The following CDH16 variants were observed in gnomAD, a reference collection of about 807,000 sequenced individuals.
The protein encoded by CDH16 is cadherin 16.
Under a neutral mutation model 87.6 loss-of-function variants are expected in CDH16, and 79 were observed. The observed-to-expected ratio is 0.90, with a 90% CI of 0.75 to 1.09. The LOEUF is 1.09. Ranked by LOEUF, CDH16 falls within the 50% of genes least tolerant of loss-of-function variation. The probability of loss-of-function intolerance (pLI) is 0.00; values close to 1 mark genes in which losing one functional copy is unlikely to be tolerated. For synonymous variants in CDH16, 457 were observed against 439.5 expected, an observed-to-expected ratio of 1.04 and a Z score of -0.50; for missense variants, 1,124 against 1,071.7, an observed-to-expected ratio of 1.05 and a Z score of -0.68.
At position 66,916,240 on chromosome 16, in the gene CDH16, T is replaced by C; in HGVS notation, c.285+34A>G. 3.7e-6 allele frequency: 6 copies of C among 1,614,170 alleles called. No homozygotes were observed. Among genetic ancestry groups the C allele is most frequent in the Non-Finnish European group, 3.4e-6 (4 of 1,179,982 alleles). On this transcript the variant is annotated intron_variant, in intron 4 of 17. Transcript: ENST00000299752. This position sits in a 1 kb window ranked among gnomAD's most constrained non-coding sequence, Gnocchi z 4.1. Reference sequence around the variant, plus strand: ...GGGGAGTCAGCGTCTGGCTCTGCCTTGCCTGCTCTCCCCTACACCTGGCCC... The same window carrying C: ...GGGGAGTCAGCGTCTGGCTCTGCCTCGCCTGCTCTCCCCTACACCTGGCCC...
At chr16:66,913,382 G>T (rs1248521448) in intron 8 of CDH16, 101 bp from the exon 9 acceptor site, 9 of 1,566,616 alleles carry the variant, frequency 5.7e-6, no homozygotes, top group Non-Finnish European at 7.8e-6. Context: ...GCTCTTCGGG[G>T]CTCTTTCCCA....
chr16:66,917,608 TC>T (rs780904696), intron 3 of CDH16, 33 bp downstream of exon 3: 36 of 1,500,146 alleles, frequency 2.4e-5, no homozygotes, highest in Middle Eastern at 1.7e-4. Flanking sequence ...CGGGGAGGGA[TC>T]CCCCCGGCCC....
Position 66,912,489 on chromosome 16 carries a change from C to G in CDH16, c.1359+15G>C, listed in dbSNP as rs1169667571. 6.2e-7 allele frequency: 1 copy of G among 1,614,170 alleles called. No homozygotes were observed. The highest frequency in any genetic ancestry group is 1.7e-5 in the Admixed American group (1 of 60,022). On this transcript the variant is annotated intron_variant, in intron 11 of 17. Transcript: ENST00000299752. The stretch of plus-strand genomic sequence containing the variant: ...CAGCATCCTTCCCAAGGCCTTCTCC[C>G]CTGCGTCTGCTTACCTGGGAAGTGA...
chr16:66,913,421 A>AC, intron 8 of CDH16, 70 bp downstream of exon 8: 2 of 1,603,918 alleles, frequency 1.2e-6, no homozygotes, highest in Non-Finnish European at 1.7e-6. Context: ...TAGTTGTGAC[A>AC]CCCCCAAAAG....
At chr16:66,918,607 G>T (rs1269454782) in intron 1 of CDH16, among the ~76,000 whole-genome samples, 197 bp downstream of exon 1, 4 of 152,214 alleles carry the variant, frequency 2.6e-5, no homozygotes. Context: ...CCCGGAGCAG[G>T]AGCCCGGCCC....
Position 66,916,803 on chromosome 16 carries a change from G to A in CDH16, c.130-374C>T, listed in dbSNP as rs963467496. Among the ~76,000 whole-genome samples the A allele has an allele frequency of 3.9e-5, 6 of 152,186 alleles. No individual in the cohort carries two copies. Among genetic ancestry groups the A allele is most frequent in the African/African-American group, 1.2e-4 (5 of 41,434 alleles). ...ACTCAAAATCTGAAACTTTTTGAGC[G>A]CCAATATGATGTGACAAGTACAGAA... On this transcript the variant is annotated intron_variant, in intron 3 of 17. Transcript: ENST00000299752. The surrounding 1 kb of genome is among the most constrained non-coding windows in gnomAD (Gnocchi z 4.1).
rs775588031 is a variant in CDH16 at position 66,914,236 on chromosome 16, A to G, written c.760T>C (p.Tyr254His). 16 of 1,614,014 alleles carry G rather than the reference A, an allele frequency of 9.9e-6. No homozygotes were observed. The highest frequency in any genetic ancestry group is 2.2e-5 in the East Asian group (1 of 44,898). The change falls in exon 7 of 18, where the codon TAC (tyrosine) becomes CAC (histidine). Residue 254 changes from tyrosine (Y) to histidine (H), a missense_variant. By Grantham distance (83) the Tyr-to-His change is moderately conservative. Transcript: ENST00000299752. ...IHLAENLKVL[Y>H]PHHMAQVHWS... is the part of the protein sequence containing the mutation. ...CTCACCTGGGCCATGTGGTGCGGGT[A>G]TAGGACTTTGAGATTCTCTGCCAGG... is the stretch of plus-strand genomic sequence containing the variant.
Position 66,912,855 on chromosome 16 carries a change from T to G in CDH16, c.1091A>C (p.Asp364Ala). The change falls in exon 10 of 18, where the codon GAT (aspartate) becomes GCT (alanine). Residue 364 changes from aspartate to alanine, a missense_variant. Coordinates refer to ENST00000299752, the MANE Select transcript of CDH16 (RefSeq NM_004062.4). ...EVTRLSAEDA[D>A]APGSPNSHVV... Reference sequence around the variant, plus strand: ...GTGGGAATTGGGGGAGCCGGGGGCATCTGCATCCTCTGCTGACAGTCTAGT... The same window carrying G: ...GTGGGAATTGGGGGAGCCGGGGGCAGCTGCATCCTCTGCTGACAGTCTAGT... 1 of 1,612,926 alleles carries G rather than the reference T, an allele frequency of 6.2e-7. No homozygotes were observed. Among genetic ancestry groups the G allele is most frequent in the Non-Finnish European group, 8.5e-7 (1 of 1,179,990 alleles).
Position 66,911,268 on chromosome 16 carries a change from A to G in CDH16, c.1838T>C (p.Phe613Ser). ...CTGGGCGGTGTGCACCTCCCCGGAG[A>G]ATTTCTCAATGCAGAGCCAGCCCTC... ...DSEGWLCIEK[F>S]SGEVHTAQSL... The change falls in exon 14 of 18, where the codon TTC becomes TCC. Residue 613 changes from phenylalanine (F) to serine (S), a missense_variant. By Grantham distance (155) the Phe-to-Ser change is radical (BLOSUM62 -2). Transcript: ENST00000299752. 1 of 1,613,460 alleles carries G rather than the reference A, an allele frequency of 6.2e-7. No homozygotes were observed. Among genetic ancestry groups the G allele is most frequent in the Non-Finnish European group, 8.5e-7 (1 of 1,179,796 alleles).
chr16:66,912,353 G>A lies in CDH16; in HGVS notation c.1437C>T (p.Leu479=), dbSNP rs369804638. The change falls in exon 12 of 18, where the codon CTC becomes CTT. Residue 479 remains leucine (L), a synonymous_variant. Transcript: ENST00000299752. The part of the protein sequence containing the change: ...VAMLTAIDAD[L]EPAFRLMDFA... ...AATCCATGAGGCGGAAGGCGGGCTC[G>A]AGGTCAGCATCAATGGCTGTTAGCA... 9.9e-6 allele frequency: 16 copies of A among 1,614,138 alleles called. No individual in the cohort carries two copies. Among genetic ancestry groups the A allele is most frequent in the Admixed American group, 3.3e-5 (2 of 60,018 alleles).
Position 66,909,310 on chromosome 16 carries a change from C to T in CDH16, c.2349G>A (p.Lys783=). Residue 783 remains lysine (K), a synonymous_variant, in exon 17 of 18, where the codon AAG becomes AAA. Coordinates refer to ENST00000299752, the MANE Select transcript of CDH16 (RefSeq NM_004062.4). This position sits in a 1 kb window ranked among gnomAD's most constrained non-coding sequence, Gnocchi z 4.1. ...CTACAAGGATGCCCACTGCCGACAG[C>T]TTCGTGGGCATGCCCTTCATGCGGC... ...KVGRMKGMPT[K]LSAVGILVGT... The T allele has an allele frequency of 1.2e-6, 2 of 1,612,602 alleles. No homozygotes were observed. Among genetic ancestry groups the T allele is most frequent in the Non-Finnish European group, 1.7e-6 (2 of 1,179,054 alleles).
rs1962309123 is a variant in CDH16, at chr16:66,909,416, G to A, written c.2276-33C>T. 1.2e-6 allele frequency: 1 copy of A among 834,802 alleles called. No individual in the cohort carries two copies. 51.7% of individuals were successfully genotyped at this position (834,802 alleles called of 1,614,324 possible). A position where few individuals can be genotyped will look rare whatever the true frequency, so the allele number is the denominator to read the frequency against. On this transcript the variant is annotated intron_variant, in intron 16 of 17. Coordinates refer to ENST00000299752, the MANE Select transcript of CDH16 (RefSeq NM_004062.4). This position sits in a 1 kb window ranked among gnomAD's most constrained non-coding sequence, Gnocchi z 4.1. ...GAGAGGGGAGGAAGGTAAGGGGAGGGAGGGGAGGGCTCCCCAGCTGCTCAG... is the reference window on the plus strand; with the variant it reads ...GAGAGGGGAGGAAGGTAAGGGGAGGAAGGGGAGGGCTCCCCAGCTGCTCAG...
At chr16:66,911,157 G>A in intron 14 of CDH16, 25 bp downstream of exon 14, 1 of 1,594,454 alleles carries the variant, frequency 6.3e-7, no homozygotes, top group Non-Finnish European at 8.6e-7. Flanking sequence ...CCCTCCCAGG[G>A]GCTCCCATCA....
chr16:66,917,658 G>A lies in CDH16; in HGVS notation c.113C>T (p.Pro38Leu). The A allele has an allele frequency of 6.2e-7, 1 of 1,613,322 alleles. No homozygotes were observed. Among genetic ancestry groups the A allele is most frequent in the East Asian group, 2.2e-5 (1 of 44,874 alleles). ...EVPENYGGNFPLYLTKLPLPR... is the reference protein window; with the variant it reads ...EVPENYGGNFLLYLTKLPLPR... ...CCGGCTCACCTTGGTCAGGTATAAA[G>A]GGAAATTTCCACCATAGTTTTCTGG... The change falls in exon 3 of 18, where the codon CCT becomes CTT. Residue 38 changes from proline to leucine, a missense_variant. Coordinates refer to ENST00000299752, the MANE Select transcript of CDH16 (RefSeq NM_004062.4).
chr16:66,915,851 G>A (rs374298798), intron 5 of CDH16, among the ~76,000 whole-genome samples: 21 of 152,138 alleles, frequency 1.4e-4, no homozygotes, highest in Admixed American at 3.3e-4. Flanking sequence ...AGCTGAGATC[G>A]CGCCATTGCG....
rs1292355484 is a variant in CDH16 at position 66,915,242 on chromosome 16, C to T, written c.561G>A (p.Gly187=). The T allele has an allele frequency of 1.2e-6, 2 of 1,612,596 alleles. No homozygotes were observed. The highest frequency in any genetic ancestry group is 1.8e-4 in the Middle Eastern group (1 of 5,612). ...TACCCTTGGGGCTGAGGGCCAGAGC[C>T]CCCAGCCGAGGCTCCAGCTGGAACA... ...PDMFQLEPRL[G]ALALSPKGST... Residue 187 remains glycine, a synonymous_variant, in exon 6 of 18, where the codon GGG becomes GGA. Coordinates refer to ENST00000299752, the MANE Select transcript of CDH16 (RefSeq NM_004062.4).
rs1233480593 is a variant in CDH16, at chr16:66,909,221, C to T, written c.2392+46G>A. ...GTTTATTTGGAGGCTGTGGTCCCAACCACCCATCGCCCTCGCCCACGCAGG... is the reference window on the plus strand; with the variant it reads ...GTTTATTTGGAGGCTGTGGTCCCAATCACCCATCGCCCTCGCCCACGCAGG... On this transcript the variant is annotated intron_variant, in intron 17 of 17. Transcript: ENST00000299752. The surrounding 1 kb of genome is among the most constrained non-coding windows in gnomAD (Gnocchi z 4.1). 8.2e-7 allele frequency: 1 copy of T among 1,221,892 alleles called. No individual in the cohort carries two copies. Among genetic ancestry groups the T allele is most frequent in the Non-Finnish European group, 1.2e-6 (1 of 822,306 alleles). 75.7% of individuals were successfully genotyped at this position (1,221,892 alleles called of 1,614,324 possible).
intron 15 of CDH16, 48 bp downstream of exon 15, chr16:66,910,212 C>A (rs1426631071): frequency 1.3e-6 from 2 of 1,558,638 alleles, no homozygotes; most frequent in Admixed American, 1.8e-5. Context: ...CAAGTGACAC[C>A]CCCTCCCTGC....
chr16:66,910,961 T>C (rs1962386810), intron 14 of CDH16: 3 of 522,650 alleles, frequency 5.7e-6, no homozygotes, highest in Non-Finnish European at 1.0e-5. Context: ...TGTGTGTCAA[T>C]CTAGGAGAAT....
Sources: allele counts gnomAD v4.1 joint callset (sites outside exome capture counted in the v4.1 genomes callset), GRCh38; gene constraint gnomAD v4.1.1; non-coding constraint Gnocchi (gnomAD v3.1); transcripts MANE v1.5; gene names NCBI Gene and HGNC (gene_info 2026-07-23, HGNC 2026-07-21).